RBM20: variants seen among roughly 807,000 people sequenced by gnomAD.
The protein encoded by RBM20 is RNA-binding protein 20.
Under a neutral mutation model 110.1 loss-of-function variants are expected in RBM20, and 51 were observed. The ratio of observed to expected loss-of-function variants is 0.46; its 90% confidence interval spans 0.37 to 0.59. RBM20 has a LOEUF of 0.59. Among genes scored for constraint, RBM20 ranks in the 20% least tolerant of loss-of-function variants. The pLI is 0.00. For synonymous variants in RBM20, 589 were observed against 618.2 expected, an observed-to-expected ratio of 0.95 and a Z score of 0.70; for missense variants, 1,512 against 1,574.9, an observed-to-expected ratio of 0.96 and a Z score of 0.68.
rs1320059067 is a variant in RBM20 at position 110,752,941 on chromosome 10, ATATATTT to A, written c.192-27858_192-27852del. 1.1e-3 allele frequency among the ~76,000 whole-genome samples: 105 copies of A among 92,332 alleles called. 1 individual carries two copies. The East Asian group carries it at 0.02, about 18-fold the overall frequency. The allele number at this position is 92,332 out of a possible 152,430, so 60.6% of individuals were successfully genotyped here. A position where few individuals can be genotyped will look rare whatever the true frequency, so the allele number is the denominator to read the frequency against. On this transcript the variant is annotated intron_variant, in intron 1 of 13. Transcript: ENST00000369519. The stretch of plus-strand genomic sequence containing the variant: ...TATACATATATATATATATATATAT[ATATATTT>A]TTTTTTTTTTTATGAAGTCTCCCTC...
chr10:110,757,753 T>A (rs1048432451), intron 1 of RBM20, among the ~76,000 whole-genome samples: 1 of 152,220 alleles, frequency 6.6e-6, no homozygotes, highest in Non-Finnish European at 1.5e-5. Context: ...TTAGACCAAG[T>A]TGGACTTTGT....
chr10:110,752,229 A>G lies in RBM20; in HGVS notation c.192-28572A>G, dbSNP rs140975178. Among the ~76,000 whole-genome samples the G allele has an allele frequency of 9.2e-5, 14 of 152,222 alleles. No individual in the cohort carries two copies. The East Asian group carries it at 2.7e-3, about 29-fold the overall frequency. Reference sequence around the variant, plus strand: ...TTCTCCCCGCTAACCCCTGGCAATCACTGACCCTTTTACTGTCTCTATAGT... The same window carrying G: ...TTCTCCCCGCTAACCCCTGGCAATCGCTGACCCTTTTACTGTCTCTATAGT... On this transcript the variant is annotated intron_variant, in intron 1 of 13. Coordinates refer to ENST00000369519, the MANE Select transcript of RBM20 (RefSeq NM_001134363.3).
Position 110,785,504 on chromosome 10 carries a change from C to T in RBM20, c.1527+615C>T, listed in dbSNP as rs370887721. Among the ~76,000 whole-genome samples the T allele has an allele frequency of 4.4e-3, 667 of 152,034 alleles. 7 individuals are homozygous for T. Among genetic ancestry groups the T allele is most frequent in the African/African-American group, 0.015 (634 of 41,442 alleles). On this transcript the variant is annotated intron_variant, in intron 5 of 13. Coordinates refer to ENST00000369519, the MANE Select transcript of RBM20 (RefSeq NM_001134363.3). ...CCGGGAGGCAAAGGTTGCAGTGAGC[C>T]GAGATCGCACCACTGCACTCCAGCG...
chr10:110,748,769 G>A (rs977249828), intron 1 of RBM20, among the ~76,000 whole-genome samples: 1 of 152,132 alleles, frequency 6.6e-6, no homozygotes, highest in African/African-American at 2.4e-5. Flanking sequence ...ACACAGTTCA[G>A]TGCCACTAAG....
chr10:110,714,534 C>A (rs1173488152), intron 1 of RBM20, among the ~76,000 whole-genome samples: 2 of 152,180 alleles, frequency 1.3e-5, no homozygotes, highest in Non-Finnish European at 2.9e-5. Context: ...TTGACAGCAG[C>A]AACTTCTGCT....
chr10:110,832,359 T>C (rs1361989678), intron 13 of RBM20, among the ~76,000 whole-genome samples: 1 of 152,200 alleles, frequency 6.6e-6, no homozygotes, highest in African/African-American at 2.4e-5. Flanking sequence ...TTAAATTGTT[T>C]AAAAGTGACT....
At chr10:110,772,425 C>T (rs1392696822) in intron 1 of RBM20, among the ~76,000 whole-genome samples, 2 of 152,174 alleles carry the variant, frequency 1.3e-5, no homozygotes, top group Non-Finnish European at 2.9e-5. Context: ...TAATGATGTT[C>T]TGGTCAATAA....
At position 110,661,417 on chromosome 10, in the gene RBM20, G is replaced by A. The variant is rs148975730; in HGVS notation, c.191+16772G>A. Among the ~76,000 whole-genome samples, 210 of 152,322 alleles carry A rather than the reference G, an allele frequency of 1.4e-3. 1 individual carries two copies. Among genetic ancestry groups the A allele is most frequent in the African/African-American group, 4.9e-3 (203 of 41,566 alleles). ...TGTATTTGGTGGGATCTTGATGGTG[G>A]AGGGAGAGCAGCAGGCCTGGGCTCA... On this transcript the variant is annotated intron_variant, in intron 1 of 13. Transcript: ENST00000369519.
intron 1 of RBM20, among the ~76,000 whole-genome samples, chr10:110,720,685 T>G (rs72823851): frequency 0.15 from 14,549 of 94,760 alleles, 946 homozygotes; most frequent in Non-Finnish European, 0.19. Context: ...ATCCTTGCAG[T>G]GTCCATCCCA....
rs1322269843 is a variant in RBM20, at chr10:110,797,495, T to C, written c.1528-13T>C. The C allele has an allele frequency of 7.8e-6, 12 of 1,547,172 alleles. No individual in the cohort carries two copies. Among genetic ancestry groups the C allele is most frequent in the Non-Finnish European group, 1.0e-5 (12 of 1,144,308 alleles). ...GTCTTCTGAATACCACTAATGATCT[T>C]TGTTCCCATTAGTTTGCACAGCGGA... On this transcript the variant is annotated splice_polypyrimidine_tract_variant and intron_variant, in intron 5 of 13. Transcript: ENST00000369519.
rs187192470 is a variant in RBM20 at position 110,778,839 on chromosome 10, C to G, written c.192-1962C>G. Among the ~76,000 whole-genome samples, 34 of 152,356 alleles carry G rather than the reference C, an allele frequency of 2.2e-4. 1 individual carries two copies. In the East Asian group the frequency reaches 6.2e-3, roughly 28 times the overall value. ...GTCTTTCCAGTTTCCAGACCATGCA[C>G]ACTGATTTTTGGTCCAGAAACCACT... On this transcript the variant is annotated intron_variant, in intron 1 of 13. Coordinates refer to ENST00000369519, the MANE Select transcript of RBM20 (RefSeq NM_001134363.3).
chr10:110,780,772 T>A (rs1465402072), intron 1 of RBM20, 29 bp from the exon 2 acceptor site: 1 of 1,477,080 alleles, frequency 6.8e-7, no homozygotes, highest in African/African-American at 1.4e-5. Context: ...GAAAACCAGC[T>A]GTGCATCTAG....
At chr10:110,704,877 C>T (rs1354700947) in intron 1 of RBM20, among the ~76,000 whole-genome samples, 2 of 152,032 alleles carry the variant, frequency 1.3e-5, no homozygotes. Flanking sequence ...ATTTTATGGT[C>T]TTTTGTATTT....
intron 1 of RBM20, among the ~76,000 whole-genome samples, chr10:110,725,566 A>G (rs1370538495): frequency 2.0e-5 from 3 of 152,248 alleles, no homozygotes; most frequent in African/African-American, 7.2e-5. Context: ...AGCAAAAGCA[A>G]GACAATCTGA....
intron 1 of RBM20, among the ~76,000 whole-genome samples, chr10:110,669,291 C>T (rs1189854664): frequency 2.6e-5 from 4 of 151,658 alleles, no homozygotes; most frequent in African/African-American, 2.4e-5. Context: ...AGTCTGTATG[C>T]GTGTGGCGGG....
chr10:110,835,879 C>T lies in RBM20; in HGVS notation c.3585C>T (p.Ser1195=), dbSNP rs1347041440. Residue 1195 remains serine, a synonymous_variant, in exon 14 of 14, where the codon TCC becomes TCT. Coordinates refer to ENST00000369519, the MANE Select transcript of RBM20 (RefSeq NM_001134363.3). ...VHYRNLQKYL[S]QLAEEGLKET... ...TCTTCTTTCCACAGAAATATTTGTCCCAGCTGGCCGAGGAGGGCCTCAAGG... is the reference window on the plus strand; with the variant it reads ...TCTTCTTTCCACAGAAATATTTGTCTCAGCTGGCCGAGGAGGGCCTCAAGG... 6.4e-7 allele frequency: 1 copy of T among 1,550,524 alleles called. No individual in the cohort carries two copies. The highest frequency in any genetic ancestry group is 2.4e-5 in the East Asian group (1 of 40,858).
chr10:110,765,099 A>G (rs562565228), intron 1 of RBM20, among the ~76,000 whole-genome samples: 1 of 152,276 alleles, frequency 6.6e-6, no homozygotes, highest in East Asian at 1.9e-4. Context: ...GGAAGTCTAG[A>G]TGCTCTTTTT....
At chr10:110,664,593 A>G (rs1279152440) in intron 1 of RBM20, among the ~76,000 whole-genome samples, 3 of 151,974 alleles carry the variant, frequency 2.0e-5, no homozygotes, top group Non-Finnish European at 4.4e-5. Flanking sequence ...CTAAAAATAC[A>G]AAAATTAGCT....
intron 5 of RBM20, among the ~76,000 whole-genome samples, chr10:110,791,401 A>G (rs1233592147): frequency 6.6e-6 from 1 of 152,180 alleles, no homozygotes; most frequent in African/African-American, 2.4e-5. Context: ...AGGCAGTTTG[A>G]GAGACCTCTC....
Sources: gnomAD v4.1 joint callset for allele counts (sites outside exome capture counted in the v4.1 genomes callset) on GRCh38, gnomAD v4.1.1 for gene constraint, MANE v1.5 for transcripts, NCBI Gene and HGNC (gene_info 2026-07-23, HGNC 2026-07-21) for gene names.